The following KLHL15 variants were observed in gnomAD, a reference collection of about 807,000 sequenced individuals.
KLHL15 encodes the protein kelch-like protein 15.
Under a neutral mutation model 29.3 loss-of-function variants are expected in KLHL15, and 1 was observed. That is an observed-to-expected ratio of 0.03 (90% CI 0.01 to 0.16). The LOEUF (loss-of-function observed/expected upper bound fraction) is 0.16. Among genes scored for constraint, KLHL15 ranks in the 10% least tolerant of loss-of-function variants. KLHL15 has a pLI of 1.00. For synonymous variants in KLHL15, 212 were observed against 184.5 expected (o/e 1.15, Z -1.21); for missense variants, 215 against 478.5 (o/e 0.45, Z 5.14).
chrX:23,996,356 T>C (rs965639435), intron 3 of KLHL15, among the ~76,000 whole-genome samples: 1 of 112,272 alleles, frequency 8.9e-6, no homozygotes, highest in East Asian at 2.8e-4. Flanking sequence ...ACTATCGTGG[T>C]GCTTTAATGC....
At chrX:24,001,058 A>C (rs1929304781) in intron 3 of KLHL15, among the ~76,000 whole-genome samples, 1 of 112,460 alleles carries the variant, frequency 8.9e-6, no homozygotes, top group Admixed American at 9.5e-5. Context: ...ATACTGAATT[A>C]CATTTAACAG....
At chrX:23,996,135 G>A (rs1929183557) in intron 3 of KLHL15, among the ~76,000 whole-genome samples, 1 of 112,158 alleles carries the variant, frequency 8.9e-6, no homozygotes. Flanking sequence ...CAGAAGGGGT[G>A]GAAGTGGGGG....
chrX:24,012,750 C>T (rs1929600263), intron 2 of KLHL15, among the ~76,000 whole-genome samples: 1 of 111,015 alleles, frequency 9.0e-6, no homozygotes, highest in Non-Finnish European at 1.9e-5. Flanking sequence ...CAGTTCTGCC[C>T]CCACATCAGC....
chrX:24,007,651 C>T (rs1325952419), intron 2 of KLHL15, among the ~76,000 whole-genome samples: 2 of 106,959 alleles, frequency 1.9e-5, no homozygotes, highest in African/African-American at 6.8e-5. Flanking sequence ...AAAATGATTT[C>T]ACAGCCAAAT....
At chrX:24,007,508 A>ATATATATATATATAT (rs1555977010) in intron 2 of KLHL15, among the ~76,000 whole-genome samples, 1 of 35,936 alleles carries the variant, frequency 2.8e-5, no homozygotes, top group African/African-American at 1.5e-4. Flanking sequence ...AAAAAAAAAA[A>ATATATATATATATAT]ATATATATAT....
rs1290902125 is a variant in KLHL15 at position 23,986,936 on chromosome X, CAT to C, written c.*983_*984del. ...TGCATGCTGCAGGGCCAGAACTTGT[CAT>C]ATACCACTCCGATTCTCACTAAAAA... On this transcript the variant is annotated 3_prime_UTR_variant, in exon 4 of 4. Coordinates refer to ENST00000328046, the MANE Select transcript of KLHL15 (RefSeq NM_030624.3). 1 of 111,966 alleles carries C rather than the reference CAT, an allele frequency of 8.9e-6. No homozygotes were observed. Among genetic ancestry groups the C allele is most frequent in the African/African-American group, 3.2e-5 (1 of 30,852 alleles). The allele number at this position is 111,966 out of a possible 1,213,427, so 9.2% of individuals were successfully genotyped here. A position where few individuals can be genotyped will look rare whatever the true frequency, so the allele number is the denominator to read the frequency against.
intron 3 of KLHL15, among the ~76,000 whole-genome samples, chrX:23,999,693 C>T (rs1001278438): frequency 1.9e-4 from 15 of 79,163 alleles, no homozygotes; most frequent in Non-Finnish European, 1.1e-4. Context: ...CCCCAAGATA[C>T]TATCTTTCCT....
intron 2 of KLHL15, among the ~76,000 whole-genome samples, chrX:24,014,846 GAAAC>G (rs1273608820): frequency 3.6e-5 from 4 of 112,199 alleles, no homozygotes; most frequent in Non-Finnish European, 7.5e-5. Flanking sequence ...GAGGGAAAGA[GAAAC>G]AAAGATAAAA....
chrX:24,007,504 AAAAAATATATATATATAT>A (rs1235375707), intron 2 of KLHL15, among the ~76,000 whole-genome samples: 3 of 54,984 alleles, frequency 5.5e-5, no homozygotes. Flanking sequence ...AAAAAAAAAA[AAAAAATATATATATATAT>A]ATATATATAT....
chrX:23,992,204 T>TTA (rs1204775590), intron 3 of KLHL15, among the ~76,000 whole-genome samples: 1 of 112,074 alleles, frequency 8.9e-6, no homozygotes, highest in Non-Finnish European at 1.9e-5. Context: ...CTCAATATCT[T>TTA]TAAGCCCATA....
chrX:23,997,900 G>C (rs111863138), intron 3 of KLHL15, among the ~76,000 whole-genome samples: 1,612 of 108,856 alleles, frequency 0.015, 34 homozygotes, highest in African/African-American at 0.051. Context: ...GACCAGCCAA[G>C]ACAACACAGC....
chrX:24,008,874 A>AAAC (rs1929510640), intron 2 of KLHL15, among the ~76,000 whole-genome samples: 1 of 102,250 alleles, frequency 9.8e-6, no homozygotes, highest in African/African-American at 3.4e-5. Flanking sequence ...CGTGTTAGAA[A>AAAC]AAAAAAAAAC....
rs1929873604 is a variant in KLHL15, at chrX:24,024,292, C to G, written c.-8+565G>C. Among the ~76,000 whole-genome samples, 7 of 112,043 alleles carry G rather than the reference C, an allele frequency of 6.2e-5. No individual in the cohort carries two copies. The Admixed American group carries it at 6.7e-4, about 11-fold the overall frequency. On this transcript the variant is annotated intron_variant, in intron 2 of 3. Transcript: ENST00000328046. The stretch of plus-strand genomic sequence containing the variant: ...TTATAATATAGAAATAAAGAGGCAG[C>G]AACAGTTAGCCACTACATTAACCAC...
At chrX:24,002,025 C>T (rs1222596159) in intron 3 of KLHL15, among the ~76,000 whole-genome samples, 5 of 107,969 alleles carry the variant, frequency 4.6e-5, no homozygotes, top group East Asian at 2.9e-4. Context: ...CCCAGCTACT[C>T]GGGAGGCTGA....
In KLHL15 at chrX:24,010,767, CAGAGA is replaced by C. The variant is rs757540811; in HGVS notation, c.-7-4072_-7-4068del. ...GTATTTATATGGACCCCGAGCCCTC[CAGAGA>C]AGCAGCGGACACTACAGTCAACTGC... is the stretch of plus-strand genomic sequence containing the variant. On this transcript the variant is annotated intron_variant, in intron 2 of 3. Coordinates refer to ENST00000328046, the MANE Select transcript of KLHL15 (RefSeq NM_030624.3). Among the ~76,000 whole-genome samples, 34 of 111,423 alleles carry C rather than the reference CAGAGA, an allele frequency of 3.1e-4. No individual in the cohort carries two copies. In the East Asian group the frequency reaches 8.5e-3, roughly 28 times the overall value.
At chrX:24,013,522 C>T (rs1929616190) in intron 2 of KLHL15, among the ~76,000 whole-genome samples, 1 of 110,601 alleles carries the variant, frequency 9.0e-6, no homozygotes, top group African/African-American at 3.3e-5. Context: ...CCTCGGCCTC[C>T]CAAAGTGCTG....
At chrX:23,989,435 A>G (rs1317026535) in intron 3 of KLHL15, among the ~76,000 whole-genome samples, 2 of 111,374 alleles carry the variant, frequency 1.8e-5, no homozygotes, top group Non-Finnish European at 3.8e-5. Flanking sequence ...TCAGCCTCCC[A>G]AAGTGCTGGG....
At chrX:24,012,031 C>G (rs1205558790) in intron 2 of KLHL15, among the ~76,000 whole-genome samples, 1 of 110,257 alleles carries the variant, frequency 9.1e-6, no homozygotes, top group Non-Finnish European at 1.9e-5. Flanking sequence ...TACCTGTAAT[C>G]CCAGCTACTC....
At chrX:23,999,052 G>A (rs775480338) in intron 3 of KLHL15, among the ~76,000 whole-genome samples, 2 of 110,252 alleles carry the variant, frequency 1.8e-5, no homozygotes, top group South Asian at 4.0e-4. Flanking sequence ...GATTACAGGC[G>A]CCTGCCACCA....
Sources: allele counts gnomAD v4.1 joint callset (sites outside exome capture counted in the v4.1 genomes callset), GRCh38; gene constraint gnomAD v4.1.1; transcripts MANE v1.5; gene names NCBI Gene and HGNC (gene_info 2026-07-23, HGNC 2026-07-21).